Variants in CD244 observed in about 807,000 individuals in gnomAD.
CD244 encodes the protein CD244 molecule.
CD244 carries 20 observed loss-of-function variants against 45.5 expected under a neutral mutation model. The observed-to-expected ratio is 0.44, with a 90% CI of 0.31 to 0.64. CD244 has a LOEUF of 0.64. Ranked by LOEUF, CD244 falls within the 30% of genes least tolerant of loss-of-function variation. The pLI, the probability that CD244 is intolerant of heterozygous loss-of-function variation, is 0.08. For synonymous variants in CD244, 185 were observed against 160.5 expected (o/e 1.15, Z -1.15); for missense variants, 407 against 426.9 (o/e 0.95, Z 0.41).
Position 160,845,006 on chromosome 1 carries a change from C to T in CD244, c.62-3105G>A, listed in dbSNP as rs1054300957. Among the ~76,000 whole-genome samples the T allele has an allele frequency of 9.2e-5, 14 of 152,068 alleles. 1 individual carries two copies. The highest frequency in any genetic ancestry group is 3.1e-4 in the African/African-American group (13 of 41,388). On this transcript the variant is annotated intron_variant, in intron 1 of 8. Transcript: ENST00000368034. Reference sequence around the variant, plus strand: ...AACAATAAAAAATAAATAAATGAATCAGCCACCCGTGGCCAGTCTGGCAGC... The same window carrying T: ...AACAATAAAAAATAAATAAATGAATTAGCCACCCGTGGCCAGTCTGGCAGC...
intron 1 of CD244, among the ~76,000 whole-genome samples, chr1:160,853,432 T>C (rs1669989437): frequency 6.6e-6 from 1 of 152,158 alleles, no homozygotes; most frequent in South Asian, 2.1e-4. Flanking sequence ...TACATCTTGA[T>C]GTGGGTAGTT....
intron 7 of CD244, 57 bp downstream of exon 7, chr1:160,833,994 T>C (rs376705707): frequency 7.8e-7 from 1 of 1,281,984 alleles, no homozygotes; most frequent in Non-Finnish European, 1.1e-6. Context: ...TGCAAACACA[T>C]GCAAAATACA....
chr1:160,838,343 A>C, intron 5 of CD244, 108 bp downstream of exon 5: 1 of 851,820 alleles, frequency 1.2e-6, no homozygotes, highest in Non-Finnish European at 2.0e-6. Flanking sequence ...GGGTCACATC[A>C]AAAGGACAGT....
At chr1:160,839,080 C>G (rs768898033) in intron 3 of CD244, 31 bp from the exon 4 acceptor site, 1 of 1,505,226 alleles carries the variant, frequency 6.6e-7, no homozygotes, top group Non-Finnish European at 9.2e-7. Context: ...GAGAACTGAG[C>G]TGTCAGCTCG....
At chr1:160,847,823 T>C (rs1557839671) in intron 1 of CD244, among the ~76,000 whole-genome samples, 2 of 152,116 alleles carry the variant, frequency 1.3e-5, no homozygotes, top group Admixed American at 1.3e-4. Context: ...ATGATGATGA[T>C]GATAATCCAG....
rs1168227460 is a variant in CD244, at chr1:160,835,649, AG to A, written c.894+545del. On this transcript the variant is annotated intron_variant, in intron 6 of 8. Transcript: ENST00000368034. ...CAAAAATCTCACAAATCACCACTAA[AG>A]AACTGACTCATGACACCAAATGCCA... Among the ~76,000 whole-genome samples the A allele has an allele frequency of 5.3e-5, 8 of 152,198 alleles. No homozygotes were observed. In the East Asian group the frequency reaches 1.5e-3, roughly 29 times the overall value.
chr1:160,831,077 T>A lies in CD244; in HGVS notation c.*270A>T. The A allele has an allele frequency of 3.0e-6, 1 of 335,770 alleles. No homozygotes were observed. Among genetic ancestry groups the A allele is most frequent in the Non-Finnish European group, 5.5e-6 (1 of 182,194 alleles). 20.8% of individuals were successfully genotyped at this position (335,770 alleles called of 1,614,324 possible). ...CATCACTTACATAACACTTTCTAGATTACAAATACTTGGAATGTGGCCTTT... is the reference window on the plus strand; with the variant it reads ...CATCACTTACATAACACTTTCTAGAATACAAATACTTGGAATGTGGCCTTT... On this transcript the variant is annotated 3_prime_UTR_variant, in exon 9 of 9. Coordinates refer to ENST00000368034, the MANE Select transcript of CD244 (RefSeq NM_016382.4).
chr1:160,831,383 G>A lies in CD244; in HGVS notation c.1062C>T (p.Ser354=). 2 of 1,614,078 alleles carry A rather than the reference G, an allele frequency of 1.2e-6. No homozygotes were observed. Among genetic ancestry groups the A allele is most frequent in the South Asian group, 1.1e-5 (1 of 91,086 alleles). ...CATCAAAGTTCTCCAGCTCTTTGCG[G>A]CTCAATCGAGCAGGGTTCTGGGCTT... ...QPKAQNPARL[S]RKELENFDVY... is the part of the protein sequence containing the mutation. Residue 354 remains serine, a synonymous_variant, in exon 9 of 9, where the codon AGC becomes AGT. Coordinates refer to ENST00000368034, the MANE Select transcript of CD244 (RefSeq NM_016382.4).
chr1:160,849,020 G>A (rs1362945370), intron 1 of CD244, among the ~76,000 whole-genome samples: 1 of 152,168 alleles, frequency 6.6e-6, no homozygotes, highest in Non-Finnish European at 1.5e-5. Context: ...GTGGAGGGGT[G>A]GTGTTGGGGA....
chr1:160,855,048 GCCC>G (rs1670058515), intron 1 of CD244, among the ~76,000 whole-genome samples: 1 of 152,200 alleles, frequency 6.6e-6, no homozygotes, highest in African/African-American at 2.4e-5. Context: ...GAACACTCTT[GCCC>G]TCAGCAGAGG....
At chr1:160,831,898 T>A in intron 8 of CD244, among the ~76,000 whole-genome samples, 1 of 152,196 alleles carries the variant, frequency 6.6e-6, no homozygotes, top group East Asian at 1.9e-4. Flanking sequence ...TGAGTATAAA[T>A]GGAAAGTATA....
intron 7 of CD244, among the ~76,000 whole-genome samples, chr1:160,833,380 G>T (rs1338092052): frequency 6.6e-6 from 1 of 152,168 alleles, no homozygotes; most frequent in African/African-American, 2.4e-5. Context: ...ATACTACCAT[G>T]TTAAGGCTTT....
chr1:160,862,844 G>A lies in CD244; in HGVS notation c.-167C>T. The A allele has an allele frequency of 1.8e-6, 1 of 543,662 alleles. No homozygotes were observed. The highest frequency in any genetic ancestry group is 3.0e-5 in the East Asian group (1 of 33,364). The allele number at this position is 543,662 out of a possible 1,614,324, so 33.7% of individuals were successfully genotyped here. On this transcript the variant is annotated 5_prime_UTR_variant, in exon 1 of 9. Transcript: ENST00000368034. Reference sequence around the variant, plus strand: ...TAGAGGCTGTTAACGCCTGCTGTGAGCTGACAAGGCCACTGAGAAAGCCCC... The same window carrying A: ...TAGAGGCTGTTAACGCCTGCTGTGAACTGACAAGGCCACTGAGAAAGCCCC...
At position 160,858,082 on chromosome 1, in the gene CD244, A is replaced by C. The variant is rs201200328; in HGVS notation, c.61+4535T>G. Among the ~76,000 whole-genome samples, 29 of 133,422 alleles carry C rather than the reference A, an allele frequency of 2.2e-4. No individual in the cohort carries two copies. The East Asian group carries it at 6.8e-3, about 31-fold the overall frequency. The allele number at this position is 133,422 out of a possible 152,430, so 87.5% of individuals were successfully genotyped here. On this transcript the variant is annotated intron_variant, in intron 1 of 8. Coordinates refer to ENST00000368034, the MANE Select transcript of CD244 (RefSeq NM_016382.4). ...AAAAATAAATAAATAAAAATAAAAA[A>C]TTAAAAAAAAAAACAAGACATGCCC...
At chr1:160,832,472 G>T in intron 8 of CD244, 47 bp downstream of exon 8, 1 of 1,162,890 alleles carries the variant, frequency 8.6e-7, no homozygotes, top group South Asian at 1.4e-5. Flanking sequence ...TAGATTTCAG[G>T]GCTATGCAAC....
rs765153146 is a variant in CD244 at position 160,834,906 on chromosome 1, AGAG to A, written c.895-793_895-791del. 2.6e-5 allele frequency among the ~76,000 whole-genome samples: 4 copies of A among 152,320 alleles called. No individual in the cohort carries two copies. The East Asian group carries it at 5.8e-4, about 22-fold the overall frequency. On this transcript the variant is annotated intron_variant, in intron 6 of 8. Coordinates refer to ENST00000368034, the MANE Select transcript of CD244 (RefSeq NM_016382.4). ...AAACATTCTCCTTTTAAGATGCTCC[AGAG>A]GAGGACTGTCATTCTCACCCAACAC... is the stretch of plus-strand genomic sequence containing the variant.
chr1:160,851,895 T>C (rs1244705506), intron 1 of CD244, among the ~76,000 whole-genome samples: 1 of 152,150 alleles, frequency 6.6e-6, no homozygotes, highest in Non-Finnish European at 1.5e-5. Flanking sequence ...TCACTAACCA[T>C]AAAAGAATAT....
In CD244 at chr1:160,831,138, G is replaced by C. The variant is rs2101854195; in HGVS notation, c.*209C>G. ...CTAACCCCTCCACCCATTCATGTCT[G>C]ATCTGTAAATTGGAAGATATTATTT... On this transcript the variant is annotated 3_prime_UTR_variant, in exon 9 of 9. Coordinates refer to ENST00000368034, the MANE Select transcript of CD244 (RefSeq NM_016382.4). The C allele has an allele frequency of 2.0e-6, 1 of 507,502 alleles. No homozygotes were observed. Among genetic ancestry groups the C allele is most frequent in the East Asian group, 3.1e-5 (1 of 32,602 alleles). The allele number at this position is 507,502 out of a possible 1,614,324, so 31.4% of individuals were successfully genotyped here. A position where few individuals can be genotyped will look rare whatever the true frequency, so the allele number is the denominator to read the frequency against.
In CD244 at chr1:160,839,001, A is replaced by G; in HGVS notation, c.704T>C (p.Leu235Pro). 6.2e-7 allele frequency: 1 copy of G among 1,614,114 alleles called. No homozygotes were observed. The highest frequency in any genetic ancestry group is 8.5e-7 in the Non-Finnish European group (1 of 1,179,992). ...FLVIIVILSA[L>P]FLGTLACFCV... ...GAAGCAGGCAAGGGTGCCAAGGAAC[A>G]GTGCGCTTAGAATCACGATGATCAC... Residue 235 changes from leucine (L) to proline (P), a missense_variant, in exon 4 of 9, where the codon CTG (leucine) becomes CCG (proline). Physicochemically the swap from Leu to Pro is moderately conservative, Grantham distance 98. Coordinates refer to ENST00000368034, the MANE Select transcript of CD244 (RefSeq NM_016382.4).
Sources: gnomAD v4.1 joint callset for allele counts (sites outside exome capture counted in the v4.1 genomes callset) on GRCh38, gnomAD v4.1.1 for gene constraint, MANE v1.5 for transcripts, NCBI Gene and HGNC (gene_info 2026-07-23, HGNC 2026-07-21) for gene names.